The following RNF144B variants were observed in gnomAD, a reference collection of about 807,000 sequenced individuals.
The protein encoded by RNF144B is ring finger protein 144B, also known as E3 ubiquitin-protein ligase RNF144B.
In RNF144B, 25 loss-of-function variants were observed where a neutral mutation model predicts 40.2. That is an observed-to-expected ratio of 0.62 (90% confidence interval 0.45 to 0.87). RNF144B has a LOEUF of 0.87. RNF144B is among the 40% of genes least tolerant of loss of function. RNF144B has a pLI of 0.00. For missense variants in RNF144B, 365 were observed against 373.7 expected, an observed-to-expected ratio of 0.98 and a Z score of 0.19; for synonymous variants, 145 against 136.3, an observed-to-expected ratio of 1.06 and a Z score of -0.44.
At chr6:18,427,228 C>T (rs2113498679) in intron 2 of RNF144B, among the ~76,000 whole-genome samples, 1 of 151,562 alleles carries the variant, frequency 6.6e-6, no homozygotes, top group East Asian at 2.0e-4. Context: ...GAGAGGACCA[C>T]TAGGTAAAAA....
rs1488710200 is a variant in RNF144B at position 18,450,494 on chromosome 6, T to G, written c.332-6661T>G. ...GTATTTTTTAGTAGAGAAGGTGTTTTCACTATGTTGGCCAGGCTGGTCTCG... is the reference window on the plus strand; with the variant it reads ...GTATTTTTTAGTAGAGAAGGTGTTTGCACTATGTTGGCCAGGCTGGTCTCG... On this transcript the variant is annotated intron_variant, in intron 4 of 7. Coordinates refer to ENST00000259939, the MANE Select transcript of RNF144B (RefSeq NM_182757.4). This position sits in a 1 kb window ranked among gnomAD's most constrained non-coding sequence, Gnocchi z 4.7. Among the ~76,000 whole-genome samples, 1 of 152,160 alleles carries G rather than the reference T, an allele frequency of 6.6e-6. No individual in the cohort carries two copies. The highest frequency in any genetic ancestry group is 1.5e-5 in the Non-Finnish European group (1 of 68,030).
chr6:18,395,643 TTTGCCCAA>T lies in RNF144B; in HGVS notation c.-36-3855_-36-3848del, dbSNP rs1249101961. The stretch of plus-strand genomic sequence containing the variant: ...ATTTTTTTAACTATCCATTGTTGGT[TTTGCCCAA>T]AGTGAGAAACGAAAGGGTTGGTTTT... On this transcript the variant is annotated intron_variant, in intron 1 of 7. Transcript: ENST00000259939. The surrounding 1 kb of genome is among the most constrained non-coding windows in gnomAD (Gnocchi z 4.5). 1.3e-5 allele frequency among the ~76,000 whole-genome samples: 2 copies of T among 152,248 alleles called. No homozygotes were observed. Among genetic ancestry groups the T allele is most frequent in the East Asian group, 3.9e-4 (2 of 5,178 alleles).
At chr6:18,391,658 G>C (rs1007232508) in intron 1 of RNF144B, among the ~76,000 whole-genome samples, 2 of 151,768 alleles carry the variant, frequency 1.3e-5, no homozygotes, top group Non-Finnish European at 1.5e-5. Flanking sequence ...ACGAGGTCAG[G>C]AGATCGAGAC....
In RNF144B at chr6:18,464,823, G is replaced by A; in HGVS notation, c.772-104G>A. ...TAGGGTTTCAACATATGAGCTTCAG[G>A]GGGACACAAACATTTGGCCCACAGC... On this transcript the variant is annotated intron_variant, in intron 7 of 7. Coordinates refer to ENST00000259939, the MANE Select transcript of RNF144B (RefSeq NM_182757.4). The surrounding 1 kb of genome is among the most constrained non-coding windows in gnomAD (Gnocchi z 6.1). 1.8e-6 allele frequency: 2 copies of A among 1,104,262 alleles called. No individual in the cohort carries two copies. Among genetic ancestry groups the A allele is most frequent in the East Asian group, 2.5e-5 (1 of 40,620 alleles). 68.4% of individuals were successfully genotyped at this position (1,104,262 alleles called of 1,614,324 possible).
chr6:18,407,719 T>A lies in RNF144B; in HGVS notation c.165+8020T>A, dbSNP rs1028910527. On this transcript the variant is annotated intron_variant, in intron 2 of 7. Coordinates refer to ENST00000259939, the MANE Select transcript of RNF144B (RefSeq NM_182757.4). The stretch of plus-strand genomic sequence containing the variant: ...TTTACTATTCCTGGTTGAAATCTAA[T>A]TCTACTCACTAGCTGCATATTATTT... Among the ~76,000 whole-genome samples the A allele has an allele frequency of 3.3e-5, 5 of 152,338 alleles. No individual in the cohort carries two copies. The East Asian group carries it at 9.7e-4, about 29-fold the overall frequency.
intron 3 of RNF144B, among the ~76,000 whole-genome samples, chr6:18,430,541 C>CTGGAGTACAG (rs1758669128): frequency 6.6e-6 from 1 of 152,020 alleles, no homozygotes; most frequent in Admixed American, 6.6e-5. Flanking sequence ...GTTGCCCATG[C>CTGGAGTACAG]TGGAGTACAG....
At chr6:18,401,112 A>G (rs551350893) in intron 2 of RNF144B, among the ~76,000 whole-genome samples, 21 of 151,316 alleles carry the variant, frequency 1.4e-4, no homozygotes, top group African/African-American at 4.1e-4. Context: ...TCAGTATGCA[A>G]ATATTTCACT....
chr6:18,450,418 C>T lies in RNF144B; in HGVS notation c.332-6737C>T, dbSNP rs532385545. The stretch of plus-strand genomic sequence containing the variant: ...GTTCAAGTGATTCTCCTGCCTCAGC[C>T]TCCCGAGTAGCTGGGATTACACGTG... On this transcript the variant is annotated intron_variant, in intron 4 of 7. Coordinates refer to ENST00000259939, the MANE Select transcript of RNF144B (RefSeq NM_182757.4). This position sits in a 1 kb window ranked among gnomAD's most constrained non-coding sequence, Gnocchi z 4.7. Among the ~76,000 whole-genome samples, 1 of 152,200 alleles carries T rather than the reference C, an allele frequency of 6.6e-6. No individual in the cohort carries two copies. The highest frequency in any genetic ancestry group is 6.5e-5 in the Admixed American group (1 of 15,296).
chr6:18,434,633 G>GT lies in RNF144B; in HGVS notation c.271-5044dup, dbSNP rs35345258. Among the ~76,000 whole-genome samples the GT allele has an allele frequency of 1.3e-5, 2 of 151,826 alleles. No individual in the cohort carries two copies. The highest frequency in any genetic ancestry group is 1.3e-4 in the Admixed American group (2 of 15,234). On this transcript the variant is annotated intron_variant, in intron 3 of 7. Coordinates refer to ENST00000259939, the MANE Select transcript of RNF144B (RefSeq NM_182757.4). This position sits in a 1 kb window ranked among gnomAD's most constrained non-coding sequence, Gnocchi z 4.1. Reference sequence around the variant, plus strand: ...CTGAGTGTTTTTGTTTTGTTTGTTTGTTTTTTTAGACAGAGTCTTGCTCTG... The same window carrying GT: ...CTGAGTGTTTTTGTTTTGTTTGTTTGTTTTTTTTAGACAGAGTCTTGCTCTG...
At position 18,457,327 on chromosome 6, in the gene RNF144B, C is replaced by T. The variant is rs1157978985; in HGVS notation, c.504C>T (p.Asp168=). 6.2e-7 allele frequency: 1 copy of T among 1,614,144 alleles called. No homozygotes were observed. Among genetic ancestry groups the T allele is most frequent in the Non-Finnish European group, 8.5e-7 (1 of 1,179,976 alleles). ...GGCATGCAGAGGTCTCCTGTAGAGA[C>T]AGTCAGCCTATTGTCCTGCCAACAG... is the stretch of plus-strand genomic sequence containing the variant. ...DAWHAEVSCR[D]SQPIVLPTEH... is the part of the protein sequence containing the mutation. The change falls in exon 5 of 8, where the codon GAC becomes GAT. Residue 168 remains aspartate, a synonymous_variant. Coordinates refer to ENST00000259939, the MANE Select transcript of RNF144B (RefSeq NM_182757.4). This position sits in a 1 kb window ranked among gnomAD's most constrained non-coding sequence, Gnocchi z 5.1.
In RNF144B at chr6:18,400,153, G is replaced by A. The variant is rs1056168295; in HGVS notation, c.165+454G>A. 4.6e-5 allele frequency among the ~76,000 whole-genome samples: 7 copies of A among 152,020 alleles called. No individual in the cohort carries two copies. Among genetic ancestry groups the A allele is most frequent in the South Asian group, 2.1e-4 (1 of 4,808 alleles). Reference sequence around the variant, plus strand: ...CTGGGCTTGGTGGCGGGCGCCTGTAGTCCCAGCTACTCGGGAGGCGGAGGC... The same window carrying A: ...CTGGGCTTGGTGGCGGGCGCCTGTAATCCCAGCTACTCGGGAGGCGGAGGC... On this transcript the variant is annotated intron_variant, in intron 2 of 7. Transcript: ENST00000259939. The surrounding 1 kb of genome is among the most constrained non-coding windows in gnomAD (Gnocchi z 5.6).
chr6:18,409,950 G>C (rs1209754874), intron 2 of RNF144B, among the ~76,000 whole-genome samples: 1 of 152,196 alleles, frequency 6.6e-6, no homozygotes, highest in Non-Finnish European at 1.5e-5. Flanking sequence ...ATGTTATAAT[G>C]TGGAACAGAA....
intron 7 of RNF144B, among the ~76,000 whole-genome samples, chr6:18,463,690 C>T (rs192950616): frequency 6.6e-6 from 1 of 152,254 alleles, no homozygotes; most frequent in Non-Finnish European, 1.5e-5. Context: ...TTCCTAAAGC[C>T]CTTTAAGGCA....
At chr6:18,413,670 G>A (rs975279972) in intron 2 of RNF144B, among the ~76,000 whole-genome samples, 7 of 152,136 alleles carry the variant, frequency 4.6e-5, no homozygotes, top group Non-Finnish European at 1.0e-4. Flanking sequence ...CCCTCCAGGC[G>A]CATTGTGTCT....
chr6:18,452,255 G>A (rs566234673), intron 4 of RNF144B, among the ~76,000 whole-genome samples: 2 of 152,300 alleles, frequency 1.3e-5, no homozygotes, highest in Admixed American at 1.3e-4. Flanking sequence ...CACACAAACA[G>A]AATGAGAAAC....
rs1207543069 is a variant in RNF144B, at chr6:18,446,864, TG to T, written c.331+7121del. 6.6e-6 allele frequency among the ~76,000 whole-genome samples: 1 copy of T among 151,574 alleles called. No homozygotes were observed. Among genetic ancestry groups the T allele is most frequent in the African/African-American group, 2.4e-5 (1 of 41,254 alleles). Reference sequence around the variant, plus strand: ...GGGTGTGTGTGTGTGTGTGTGTGTGTGTGTGTGTGTCTGTGTGTGTGTTGTG... The same window carrying T: ...GGGTGTGTGTGTGTGTGTGTGTGTGTTGTGTGTGTCTGTGTGTGTGTTGTG... On this transcript the variant is annotated intron_variant, in intron 4 of 7. Coordinates refer to ENST00000259939, the MANE Select transcript of RNF144B (RefSeq NM_182757.4). The surrounding 1 kb of genome is among the most constrained non-coding windows in gnomAD (Gnocchi z 4.7).
intron 3 of RNF144B, among the ~76,000 whole-genome samples, chr6:18,439,087 TAGG>T (rs1342000278): frequency 1.3e-5 from 2 of 152,168 alleles, no homozygotes; most frequent in Non-Finnish European, 2.9e-5. Context: ...GAAATGGAAA[TAGG>T]AGTCTAGTTG....
At chr6:18,411,787 C>A (rs114383402) in intron 2 of RNF144B, among the ~76,000 whole-genome samples, 1 of 152,052 alleles carries the variant, frequency 6.6e-6, no homozygotes, top group South Asian at 2.1e-4. Context: ...AGCCACCACG[C>A]CCAGCCCACC....
rs1794481659 is a variant in RNF144B, at chr6:18,387,617, A to C, written c.-50A>C. ...GAGAAGCCCGGCGACGGAGGAACGCAGGTCTGCTGCCAGGTAGGTTTAGCG... is the reference window on the plus strand; with the variant it reads ...GAGAAGCCCGGCGACGGAGGAACGCCGGTCTGCTGCCAGGTAGGTTTAGCG... On this transcript the variant is annotated 5_prime_UTR_variant, in exon 1 of 8. Transcript: ENST00000259939. 8.4e-6 allele frequency: 11 copies of C among 1,310,034 alleles called. No individual in the cohort carries two copies. Among genetic ancestry groups the C allele is most frequent in the African/African-American group, 1.5e-5 (1 of 66,802 alleles). The allele number at this position is 1,310,034 out of a possible 1,614,324, so 81.2% of individuals were successfully genotyped here.
Sources: gnomAD v4.1 joint callset for allele counts (sites outside exome capture counted in the v4.1 genomes callset) on GRCh38, gnomAD v4.1.1 for gene constraint, Gnocchi (gnomAD v3.1) non-coding constraint, MANE v1.5 for transcripts, NCBI Gene and HGNC (gene_info 2026-07-23, HGNC 2026-07-21) for gene names.